ANK2: variants seen among roughly 807,000 people sequenced by gnomAD.
ANK2 encodes ankyrin-2.
In ANK2, 83 loss-of-function variants were observed where a neutral mutation model predicts 360.5. The observed-to-expected ratio is 0.23, with a 90% CI of 0.19 to 0.28. ANK2 has a LOEUF of 0.28. Ranked by LOEUF, ANK2 falls within the 10% of genes least tolerant of loss-of-function variation. The pLI, the probability that ANK2 is intolerant of heterozygous loss-of-function variation, is 1.00. For synonymous variants in ANK2, 1,740 were observed against 1,759.5 expected (o/e 0.99, Z 0.28); for missense variants, 4,201 against 4,795.7 (o/e 0.88, Z 3.66).
At chr4:113,080,185 C>T (rs1165930823) in intron 1 of ANK2, among the ~76,000 whole-genome samples, 1 of 152,142 alleles carries the variant, frequency 6.6e-6, no homozygotes, top group African/African-American at 2.4e-5. Flanking sequence ...AGACGTCAGT[C>T]GCCATGCCCT....
chr4:113,115,166 G>A (rs936031407), intron 1 of ANK2, among the ~76,000 whole-genome samples: 3 of 152,076 alleles, frequency 2.0e-5, no homozygotes, highest in African/African-American at 4.8e-5. Flanking sequence ...AGTGGTAGAC[G>A]GTGACTCCCC....
At chr4:112,788,038 A>T in the ANK2 span, 1 of 990,718 alleles carries the variant, frequency 1.0e-6, no homozygotes, top group Non-Finnish European at 1.5e-6. Context: ...GAAAATTTGT[A>T]TTATTTTAAT....
intron 1 of ANK2, among the ~76,000 whole-genome samples, chr4:112,841,896 TTAAAG>T (rs1260233700): frequency 1.3e-5 from 2 of 152,200 alleles, no homozygotes; most frequent in South Asian, 2.1e-4. Context: ...TTTTATTAAT[TTAAAG>T]TAATTATTTT....
At chr4:112,800,044 G>A in the ANK2 span, among the ~76,000 whole-genome samples, 2 of 152,058 alleles carry the variant, frequency 1.3e-5, no homozygotes, top group Non-Finnish European at 2.9e-5. Context: ...ATATAACACA[G>A]CTTATTCATC....
At chr4:112,927,094 G>A (rs1467436726) in intron 2 of ANK2, among the ~76,000 whole-genome samples, 1 of 152,092 alleles carries the variant, frequency 6.6e-6, no homozygotes, top group African/African-American at 2.4e-5. Context: ...CATAGGCCTG[G>A]GGAGGGAACC....
intron 14 of ANK2, among the ~76,000 whole-genome samples, chr4:113,267,300 G>T (rs1160467065): frequency 6.6e-6 from 1 of 152,160 alleles, no homozygotes; most frequent in Non-Finnish European, 1.5e-5. Flanking sequence ...ATGGCTTTTG[G>T]TGTTTTAGTC....
chr4:112,907,642 T>C lies in ANK2; in HGVS notation c.21+3128T>C, dbSNP rs2150965945. ...CAAAACATGAAATTCTTAAGATAAA[T>C]TAACTGTTGTTTGAGGATAATTTTT... On this transcript the variant is annotated intron_variant, in intron 2 of 30. Coordinates refer to the ANK2 transcript ENST00000503271. 3.3e-5 allele frequency among the ~76,000 whole-genome samples: 5 copies of C among 152,324 alleles called. No homozygotes were observed. In the Middle Eastern group the frequency reaches 0.017, roughly 518 times the overall value.
chr4:113,086,305 A>C (rs2084729677), intron 1 of ANK2, among the ~76,000 whole-genome samples: 2 of 152,228 alleles, frequency 1.3e-5, no homozygotes, highest in South Asian at 4.1e-4. Context: ...TCTTTTTATC[A>C]TAAAATCAAC....
chr4:113,137,818 G>A (rs2096493586), intron 1 of ANK2, among the ~76,000 whole-genome samples: 1 of 152,118 alleles, frequency 6.6e-6, no homozygotes, highest in Non-Finnish European at 1.5e-5. Flanking sequence ...AGTTCAAAAT[G>A]ACAGCTGATA....
intron 1 of ANK2, among the ~76,000 whole-genome samples, chr4:113,073,118 T>A (rs1327111816): frequency 6.6e-6 from 1 of 151,692 alleles, no homozygotes; most frequent in Non-Finnish European, 1.5e-5. Flanking sequence ...CCCACCACCA[T>A]GCCTGGCTAG....
chr4:112,796,886 A>G, the ANK2 span, among the ~76,000 whole-genome samples: 1 of 152,328 alleles, frequency 6.6e-6, no homozygotes, highest in Non-Finnish European at 1.5e-5. Flanking sequence ...TAAGTAGAAG[A>G]AGTTAAATTT....
intron 45 of ANK2, among the ~76,000 whole-genome samples, chr4:113,375,204 C>A (rs1216273327): frequency 6.6e-6 from 1 of 152,150 alleles, no homozygotes; most frequent in East Asian, 1.9e-4. Context: ...GACTCAGAAT[C>A]TCTGGAGCTG....
Position 113,258,267 on chromosome 4 carries a change from C to T in ANK2, c.1288-46C>T, listed in dbSNP as rs774514437. 5.6e-6 allele frequency: 9 copies of T among 1,598,574 alleles called. No individual in the cohort carries two copies. In the Admixed American group the frequency reaches 1.5e-4, roughly 27 times the overall value. Reference sequence around the variant, plus strand: ...TTATTTATCTGAAGAAGCCCCAAAGCCCCACCGGTGCAGAGGAGTAAAACT... The same window carrying T: ...TTATTTATCTGAAGAAGCCCCAAAGTCCCACCGGTGCAGAGGAGTAAAACT... On this transcript the variant is annotated intron_variant, in intron 12 of 45. Transcript: ENST00000357077.
intron 23 of ANK2, among the ~76,000 whole-genome samples, chr4:113,304,723 AT>A (rs2076439046): frequency 6.6e-6 from 1 of 152,286 alleles, no homozygotes; most frequent in African/African-American, 2.4e-5. Flanking sequence ...TTTAGGTGTG[AT>A]TAAAAATATA....
intron 1 of ANK2, among the ~76,000 whole-genome samples, chr4:113,073,115 C>T (rs2078410233): frequency 6.6e-6 from 1 of 151,776 alleles, no homozygotes; most frequent in Admixed American, 6.6e-5. Context: ...GCGCCCACCA[C>T]CATGCCTGGC....
intron 2 of ANK2, among the ~76,000 whole-genome samples, chr4:112,941,538 CAT>C (rs34156004): frequency 3.3e-4 from 46 of 141,046 alleles, no homozygotes; most frequent in East Asian, 2.6e-3. Flanking sequence ...TAATTAAAAA[CAT>C]ATTTAGTATA....
At chr4:112,896,079 A>G (rs984943555) in intron 1 of ANK2, among the ~76,000 whole-genome samples, 3 of 152,186 alleles carry the variant, frequency 2.0e-5, no homozygotes, top group Non-Finnish European at 4.4e-5. Context: ...ATTACACCCA[A>G]AGTCTCTGAC....
chr4:112,904,058 G>C (rs960365000), intron 1 of ANK2, among the ~76,000 whole-genome samples: 1 of 152,148 alleles, frequency 6.6e-6, no homozygotes, highest in Non-Finnish European at 1.5e-5. Context: ...GGTAGGGAAT[G>C]CTTATCCAAT....
intron 2 of ANK2, among the ~76,000 whole-genome samples, chr4:113,011,934 T>G (rs1254295442): frequency 1.3e-5 from 2 of 152,112 alleles, no homozygotes; most frequent in Non-Finnish European, 2.9e-5. Context: ...AAATAAGTCC[T>G]CTCGGAAGAG....
Sources: gnomAD v4.1 joint callset for allele counts (sites outside exome capture counted in the v4.1 genomes callset) on GRCh38, gnomAD v4.1.1 for gene constraint, MANE v1.5 for transcripts, NCBI Gene and HGNC (gene_info 2026-07-23, HGNC 2026-07-21) for gene names.